Variants in ZBTB20 observed in about 807,000 individuals in gnomAD.
ZBTB20 encodes the protein zinc finger and BTB domain-containing protein 20.
A neutral mutation model predicts 56.9 loss-of-function variants in ZBTB20; 9 were observed. That is an observed-to-expected ratio of 0.16 (90% confidence interval 0.10 to 0.28). The LOEUF is 0.28. ZBTB20 is among the 10% of genes least tolerant of loss of function. ZBTB20 has a pLI of 1.00. For missense variants in ZBTB20, 655 were observed against 1,003.0 expected, an observed-to-expected ratio of 0.65 and a Z score of 4.69; for synonymous variants, 417 against 420.7, an observed-to-expected ratio of 0.99 and a Z score of 0.11.
chr3:114,668,905 G>A (rs1037939316), intron 6 of ZBTB20, among the ~76,000 whole-genome samples: 2 of 152,050 alleles, frequency 1.3e-5, no homozygotes, highest in Non-Finnish European at 2.9e-5. Context: ...GAAATTCTCA[G>A]TTGAGAGCTA....
chr3:114,565,201 C>CT (rs2052572414), intron 6 of ZBTB20, among the ~76,000 whole-genome samples: 1 of 152,174 alleles, frequency 6.6e-6, no homozygotes, highest in African/African-American at 2.4e-5. Context: ...CCTCTTGCTA[C>CT]TTTTGACATG....
intron 6 of ZBTB20, among the ~76,000 whole-genome samples, chr3:114,577,571 C>T (rs1394646325): frequency 6.6e-6 from 1 of 152,128 alleles, no homozygotes; most frequent in Non-Finnish European, 1.5e-5. Context: ...AGCCATAGGC[C>T]TGCTGAAATC....
At chr3:114,489,318 T>G (rs1237820628) in intron 7 of ZBTB20, among the ~76,000 whole-genome samples, 1 of 152,140 alleles carries the variant, frequency 6.6e-6, no homozygotes, top group African/African-American at 2.4e-5. Context: ...GCCTCAAGTT[T>G]CCCCCAAGTT....
chr3:114,873,434 G>C (rs562636277), intron 4 of ZBTB20, among the ~76,000 whole-genome samples: 135 of 152,200 alleles, frequency 8.9e-4, no homozygotes, highest in Middle Eastern at 3.4e-3. Context: ...TTGCCATTTG[G>C]ATCACATGAT....
Position 114,380,354 on chromosome 3 carries a change from A to C in ZBTB20, c.62T>G (p.Ile21Ser), listed in dbSNP as rs1463013311. ...ENQKASEENE[I>S]TQPGGSSAKP... ...GGCGCTGGATCCACCCGGCTGAGTA[A>C]TCTCATTCTCCTCAGATGCCTTCTG... Residue 21 changes from isoleucine to serine, a missense_variant, in exon 10 of 12, where the codon ATT becomes AGT. Ile to Ser is a moderately radical substitution (Grantham distance 142, BLOSUM62 -2). Coordinates refer to ENST00000675478, the MANE Select transcript of ZBTB20 (RefSeq NM_001348800.3). 5.2e-6 allele frequency: 8 copies of C among 1,536,350 alleles called. No individual in the cohort carries two copies. Among genetic ancestry groups the C allele is most frequent in the Non-Finnish European group, 7.0e-6 (8 of 1,146,380 alleles).
At chr3:114,479,252 A>T (rs1210898052) in intron 7 of ZBTB20, among the ~76,000 whole-genome samples, 1 of 152,196 alleles carries the variant, frequency 6.6e-6, no homozygotes, top group African/African-American at 2.4e-5. Flanking sequence ...AATTTTTCTA[A>T]GGAGGTCTTG....
intron 6 of ZBTB20, among the ~76,000 whole-genome samples, chr3:114,612,190 T>G (rs2057611876): frequency 6.6e-6 from 1 of 152,204 alleles, no homozygotes; most frequent in African/African-American, 2.4e-5. Flanking sequence ...ACAGCTAAAG[T>G]TCTCCGTCTA....
intron 1 of ZBTB20, among the ~76,000 whole-genome samples, chr3:115,110,196 G>A (rs1218750361): frequency 6.6e-6 from 1 of 151,476 alleles, no homozygotes; most frequent in Admixed American, 6.6e-5. Flanking sequence ...TGGGCGATAG[G>A]GACTCTGTCT....
At chr3:114,375,828 G>A (rs1453647345) in intron 10 of ZBTB20, 1 of 152,164 alleles carries the variant, frequency 6.6e-6, no homozygotes, top group African/African-American at 2.4e-5. Context: ...GGAAGAACAG[G>A]AACATACAGT....
intron 6 of ZBTB20, among the ~76,000 whole-genome samples, chr3:114,691,531 G>A (rs1411028835): frequency 1.3e-5 from 2 of 151,710 alleles, no homozygotes; most frequent in African/African-American, 4.8e-5. Context: ...GTTTATGCAA[G>A]GTATTATTGA....
Position 114,806,500 on chromosome 3 carries a change from T to G in ZBTB20, c.-416-5326A>C, listed in dbSNP as rs1249104651. 2.0e-5 allele frequency among the ~76,000 whole-genome samples: 3 copies of G among 152,078 alleles called. No individual in the cohort carries two copies. The East Asian group carries it at 5.8e-4, about 29-fold the overall frequency. ...ATTATGCGTAAAAATTCTTATCAGATTATGATTTGCAAATCGCAATCTTGC... is the reference window on the plus strand; with the variant it reads ...ATTATGCGTAAAAATTCTTATCAGAGTATGATTTGCAAATCGCAATCTTGC... On this transcript the variant is annotated intron_variant, in intron 4 of 11. Transcript: ENST00000675478.
At chr3:114,340,929 T>C (rs995095709) in intron 11 of ZBTB20, among the ~76,000 whole-genome samples, 25 of 152,300 alleles carry the variant, frequency 1.6e-4, no homozygotes, top group African/African-American at 4.1e-4. Flanking sequence ...ATTATGGTAA[T>C]AGCAGCAATG....
intron 2 of ZBTB20, among the ~76,000 whole-genome samples, chr3:114,986,943 A>G (rs1208064141): frequency 6.6e-6 from 1 of 152,112 alleles, no homozygotes; most frequent in Non-Finnish European, 1.5e-5. Flanking sequence ...GATAACCAAT[A>G]AATTGTACTC....
At chr3:114,463,565 A>G (rs1042197083) in intron 7 of ZBTB20, among the ~76,000 whole-genome samples, 1 of 152,204 alleles carries the variant, frequency 6.6e-6, no homozygotes. Context: ...GTACTATAAC[A>G]CTGAAGAAAA....
intron 5 of ZBTB20, among the ~76,000 whole-genome samples, chr3:114,781,184 T>G (rs567533172): frequency 1.1e-4 from 16 of 152,170 alleles, no homozygotes; most frequent in South Asian, 2.1e-4. Context: ...GACTGAATTT[T>G]GATTTTGCCC....
intron 4 of ZBTB20, among the ~76,000 whole-genome samples, chr3:114,880,260 C>T (rs1576207919): frequency 6.6e-6 from 1 of 152,146 alleles, no homozygotes; most frequent in Non-Finnish European, 1.5e-5. Context: ...GAGTCCGGGC[C>T]GCCTTTGAAA....
At chr3:115,018,774 T>C (rs1198666398) in intron 2 of ZBTB20, among the ~76,000 whole-genome samples, 2 of 151,470 alleles carry the variant, frequency 1.3e-5, no homozygotes, top group Non-Finnish European at 3.0e-5. Context: ...AGCATTAAAG[T>C]AAAATGAAAA....
intron 2 of ZBTB20, among the ~76,000 whole-genome samples, chr3:115,008,654 TAA>T (rs1035943887): frequency 2.0e-5 from 3 of 151,942 alleles, no homozygotes; most frequent in Admixed American, 6.6e-5. Flanking sequence ...AAGTGTGGAC[TAA>T]AATCTAGATC....
intron 6 of ZBTB20, among the ~76,000 whole-genome samples, chr3:114,576,688 T>A (rs1420590463): frequency 6.6e-6 from 1 of 151,798 alleles, no homozygotes; most frequent in East Asian, 1.9e-4. Flanking sequence ...CTTGAATGTT[T>A]TTCAGAAAAA....
Sources: gnomAD v4.1 joint callset for allele counts (sites outside exome capture counted in the v4.1 genomes callset) on GRCh38, gnomAD v4.1.1 for gene constraint, MANE v1.5 for transcripts, NCBI Gene and HGNC (gene_info 2026-07-23, HGNC 2026-07-21) for gene names.